Variants in TEKT5 observed in about 807,000 individuals in gnomAD.
TEKT5 encodes tektin 5, also known as tektin-5.
Under a neutral mutation model 48.7 loss-of-function variants are expected in TEKT5, and 52 were observed. The observed-to-expected ratio is 1.07, with a 90% CI of 0.86 to 1.35. The LOEUF is 1.35. Among genes scored for constraint, TEKT5 ranks in the 40% most tolerant of loss-of-function variants. The pLI is 0.00. For missense variants in TEKT5, 831 were observed against 641.6 expected (o/e 1.30, Z -3.19); for synonymous variants, 318 against 267.6 (o/e 1.19, Z -1.84).
intron 5 of TEKT5, among the ~76,000 whole-genome samples, chr16:10,662,363 A>T (rs1314041993): frequency 6.6e-6 from 1 of 152,180 alleles, no homozygotes; most frequent in Non-Finnish European, 1.5e-5. Flanking sequence ...GTCCCTATTA[A>T]CCTGAAGCTC....
chr16:10,673,076 A>C (rs2719704), intron 5 of TEKT5, among the ~76,000 whole-genome samples: 65,822 of 151,986 alleles, frequency 0.43, 15,957 homozygotes, highest in East Asian at 0.82. Context: ...ATTCATCATA[A>C]CCATGCAGTC....
chr16:10,640,118 T>TTC (rs1463418164), intron 5 of TEKT5, among the ~76,000 whole-genome samples: 1,222 of 91,388 alleles, frequency 0.013, 34 homozygotes, highest in African/African-American at 0.061. Context: ...CCCGTCTTCC[T>TTC]CCTCCCCCCT....
rs146356877 is a variant in TEKT5 at position 10,686,748 on chromosome 16, A to C, written c.719+2505T>G. ...CCAAAATATGTAAAGAACTCAGACAACTCAATAGCAAGAAAACAACCCAGT... is the reference window on the plus strand; with the variant it reads ...CCAAAATATGTAAAGAACTCAGACACCTCAATAGCAAGAAAACAACCCAGT... On this transcript the variant is annotated intron_variant, in intron 3 of 6. Transcript: ENST00000283025. Among the ~76,000 whole-genome samples the C allele has an allele frequency of 1.3e-3, 193 of 152,324 alleles. 1 individual carries two copies. The highest frequency in any genetic ancestry group is 4.5e-3 in the African/African-American group (187 of 41,582).
At chr16:10,654,924 T>G (rs1482321853) in intron 5 of TEKT5, among the ~76,000 whole-genome samples, 1 of 44,996 alleles carries the variant, frequency 2.2e-5, no homozygotes, top group African/African-American at 9.1e-5. Context: ...CTGTCCTGTC[T>G]CCCCCCCCTC....
intron 5 of TEKT5, among the ~76,000 whole-genome samples, chr16:10,660,692 T>A (rs1028593091): frequency 8.3e-6 from 1 of 120,764 alleles, no homozygotes; most frequent in African/African-American, 2.7e-5. Flanking sequence ...TGTGTGTGTG[T>A]GTGTGTGTGT....
At chr16:10,641,386 G>A (rs774149446) in intron 5 of TEKT5, among the ~76,000 whole-genome samples, 3 of 152,090 alleles carry the variant, frequency 2.0e-5, no homozygotes, top group Admixed American at 1.3e-4. Flanking sequence ...CCACTGAGAC[G>A]TTACAGCCAA....
At position 10,682,050 on chromosome 16, in the gene TEKT5, A is replaced by G. The variant is rs752984188; in HGVS notation, c.806T>C (p.Leu269Pro). The change falls in exon 4 of 7, where the codon CTG becomes CCG. Residue 269 changes from leucine (L) to proline (P), a missense_variant. Physicochemically the swap from Leu to Pro is moderately conservative, Grantham distance 98. Transcript: ENST00000283025. ...GCTGATGCAGTCTGACGTATTTCTCAGGTTAAAGCACTTCTCATCGATACA... is the reference window on the plus strand; with the variant it reads ...GCTGATGCAGTCTGACGTATTTCTCGGGTTAAAGCACTTCTCATCGATACA... ...AQCIDEKCFN[L>P]RNTSDCISFF... 2 of 1,614,112 alleles carry G rather than the reference A, an allele frequency of 1.2e-6. No homozygotes were observed. The highest frequency in any genetic ancestry group is 4.5e-5 in the East Asian group (2 of 44,876).
intron 4 of TEKT5, among the ~76,000 whole-genome samples, chr16:10,678,723 T>TG (rs1567234376): frequency 6.6e-6 from 1 of 152,184 alleles, no homozygotes; most frequent in African/African-American, 2.4e-5. Context: ...TGCCTCTGAA[T>TG]GGGGGGACAG....
chr16:10,664,258 T>A (rs1347083599), intron 5 of TEKT5, among the ~76,000 whole-genome samples: 1 of 152,164 alleles, frequency 6.6e-6, no homozygotes, highest in Middle Eastern at 3.2e-3. Flanking sequence ...GCTAAGTACA[T>A]ATCTGCTGCA....
rs79697260 is a variant in TEKT5 at position 10,682,751 on chromosome 16, G to A, written c.720-615C>T. ...TACTCAACTGTGCACGAGAGCAGTC[G>A]CAGATATGTAAAAATCCATGTGGCT... On this transcript the variant is annotated intron_variant, in intron 3 of 6. Coordinates refer to ENST00000283025, the MANE Select transcript of TEKT5 (RefSeq NM_144674.2). 4.5e-3 allele frequency among the ~76,000 whole-genome samples: 690 copies of A among 152,306 alleles called. 10 individuals are homozygous for A. The highest frequency in any genetic ancestry group is 0.015 in the African/African-American group (618 of 41,550).
chr16:10,649,182 T>C (rs1898115624), intron 5 of TEKT5, among the ~76,000 whole-genome samples: 1 of 150,816 alleles, frequency 6.6e-6, no homozygotes, highest in African/African-American at 2.4e-5. Flanking sequence ...GCAGTGGCAC[T>C]ATCATATCTC....
chr16:10,628,271 C>G (rs1282161558), intron 6 of TEKT5, among the ~76,000 whole-genome samples: 1 of 152,198 alleles, frequency 6.6e-6, no homozygotes, highest in African/African-American at 2.4e-5. Context: ...AGAGGCAGAA[C>G]AGGTAGACAA....
At chr16:10,633,670 G>A (rs1440206828) in intron 6 of TEKT5, among the ~76,000 whole-genome samples, 2 of 152,146 alleles carry the variant, frequency 1.3e-5, no homozygotes, top group East Asian at 3.9e-4. Context: ...AGCCTCCTGA[G>A]TAGCTGGGAC....
At chr16:10,642,613 G>T (rs566602126) in intron 5 of TEKT5, among the ~76,000 whole-genome samples, 5 of 152,204 alleles carry the variant, frequency 3.3e-5, no homozygotes, top group African/African-American at 1.2e-4. Context: ...ATCATCTGTT[G>T]ATCTGTTGCC....
chr16:10,674,617 G>GAAAAAAAAAAAAAAAAAAAAAAAAAAA (rs57583870), intron 5 of TEKT5, among the ~76,000 whole-genome samples: 1 of 74,746 alleles, frequency 1.3e-5, no homozygotes, highest in African/African-American at 5.9e-5. Flanking sequence ...GATCATCTCA[G>GAAAAAAAAAAAAAAAAAAAAAAAAAAA]AAAAAAAAAA....
chr16:10,685,780 T>A (rs1004990002), intron 3 of TEKT5, among the ~76,000 whole-genome samples: 2 of 152,060 alleles, frequency 1.3e-5, no homozygotes, highest in Non-Finnish European at 2.9e-5. Context: ...TCAGTGCTCA[T>A]CTCTCTCTCT....
At chr16:10,632,712 G>A (rs182391031) in intron 6 of TEKT5, among the ~76,000 whole-genome samples, 2 of 152,030 alleles carry the variant, frequency 1.3e-5, no homozygotes, top group African/African-American at 4.8e-5. Flanking sequence ...GGAAAAAGAT[G>A]GCCCAAAGGC....
chr16:10,631,484 T>G (rs1897840899), intron 6 of TEKT5, among the ~76,000 whole-genome samples: 1 of 152,046 alleles, frequency 6.6e-6, no homozygotes, highest in Non-Finnish European at 1.5e-5. Flanking sequence ...GAGGTTATTG[T>G]GAATCCACAT....
chr16:10,641,128 A>G (rs1002649291), intron 5 of TEKT5, among the ~76,000 whole-genome samples: 1 of 152,132 alleles, frequency 6.6e-6, no homozygotes, highest in Admixed American at 6.6e-5. Flanking sequence ...ACCTTCGTCA[A>G]CACTTAGTGT....
Sources: allele counts gnomAD v4.1 joint callset (sites outside exome capture counted in the v4.1 genomes callset), GRCh38; gene constraint gnomAD v4.1.1; transcripts MANE v1.5; gene names NCBI Gene and HGNC (gene_info 2026-07-23, HGNC 2026-07-21).